SPATS2L: variants seen among roughly 807,000 people sequenced by gnomAD.
SPATS2L encodes the protein spermatogenesis associated serine rich 2 like.
A neutral mutation model predicts 59.6 loss-of-function variants in SPATS2L; 30 were observed. The ratio of observed to expected loss-of-function variants is 0.50; its 90% CI spans 0.38 to 0.68. SPATS2L has a LOEUF of 0.68. Among genes scored for constraint, SPATS2L ranks in the 30% least tolerant of loss-of-function variants. The pLI, the probability that SPATS2L is intolerant of heterozygous loss-of-function variation, is 0.00. For missense variants in SPATS2L, 615 were observed against 700.0 expected (o/e 0.88, Z 1.37); for synonymous variants, 252 against 263.5 (o/e 0.96, Z 0.42).
chr2:200,381,549 C>T (rs541797372), intron 2 of SPATS2L, among the ~76,000 whole-genome samples: 2 of 152,314 alleles, frequency 1.3e-5, no homozygotes, highest in African/African-American at 2.4e-5. Context: ...GGCCAATTGA[C>T]GGCAGTAGGA....
chr2:200,459,460 T>C (rs1475109179), intron 8 of SPATS2L, among the ~76,000 whole-genome samples: 2 of 152,198 alleles, frequency 1.3e-5, no homozygotes, highest in Non-Finnish European at 2.9e-5. Flanking sequence ...AACTTTGGAA[T>C]GTATAGGACA....
intron 9 of SPATS2L, among the ~76,000 whole-genome samples, chr2:200,467,051 G>A (rs2086652328): frequency 6.6e-6 from 1 of 152,220 alleles, no homozygotes; most frequent in South Asian, 2.1e-4. Flanking sequence ...TAGAGTGGGA[G>A]TGTACAGTGA....
chr2:200,427,355 A>C (rs2083638115), intron 6 of SPATS2L, among the ~76,000 whole-genome samples: 6 of 151,842 alleles, frequency 4.0e-5, no homozygotes, highest in Admixed American at 3.3e-4. Context: ...CAAAAATTAA[A>C]AATTAAAAAC....
In SPATS2L at chr2:200,469,898, C is replaced by A. The variant is rs1425434811; in HGVS notation, c.958-16C>A. ...CTGTAATCATGGGGTTCCTGCTTTT[C>A]ATCTCTTTCCTCCAGCACTTTGTCA... On this transcript the variant is annotated splice_polypyrimidine_tract_variant and intron_variant, in intron 10 of 12. Transcript: ENST00000409140. The A allele has an allele frequency of 1.3e-6, 2 of 1,595,380 alleles. No individual in the cohort carries two copies. The highest frequency in any genetic ancestry group is 1.7e-5 in the Admixed American group (1 of 57,532).
At position 200,478,160 on chromosome 2, in the gene SPATS2L, C is replaced by A. The variant is rs2087683353; in HGVS notation, c.*129C>A. 1 of 867,154 alleles carries A rather than the reference C, an allele frequency of 1.2e-6. No individual in the cohort carries two copies. The highest frequency in any genetic ancestry group is 1.6e-6 in the Non-Finnish European group (1 of 606,836). The allele number at this position is 867,154 out of a possible 1,614,324, so 53.7% of individuals were successfully genotyped here. A position where few individuals can be genotyped will look rare whatever the true frequency, so the allele number is the denominator to read the frequency against. Reference sequence around the variant, plus strand: ...TATGGTTGTGTCATCCTCTCTTAATCATTTTTACTAATTCTAATAATCAGC... The same window carrying A: ...TATGGTTGTGTCATCCTCTCTTAATAATTTTTACTAATTCTAATAATCAGC... On this transcript the variant is annotated 3_prime_UTR_variant, in exon 13 of 13. Coordinates refer to ENST00000409140, the MANE Select transcript of SPATS2L (RefSeq NM_001100423.2).
At chr2:200,377,718 C>T (rs896552619) in intron 2 of SPATS2L, among the ~76,000 whole-genome samples, 2 of 152,208 alleles carry the variant, frequency 1.3e-5, no homozygotes, top group African/African-American at 4.8e-5. Context: ...GCACATGCCC[C>T]TTAATAAAAT....
chr2:200,332,772 CTGTG>C lies in SPATS2L; in HGVS notation c.-23+3312_-23+3315del, dbSNP rs144988506. Among the ~76,000 whole-genome samples the C allele has an allele frequency of 2.9e-3, 413 of 143,314 alleles. 3 individuals are homozygous for C. The highest frequency in any genetic ancestry group is 0.01 in the African/African-American group (390 of 38,728). 94.0% of individuals were successfully genotyped at this position (143,314 alleles called of 152,430 possible). On this transcript the variant is annotated intron_variant, in intron 2 of 12. Coordinates refer to ENST00000409140, the MANE Select transcript of SPATS2L (RefSeq NM_001100423.2). The stretch of plus-strand genomic sequence containing the variant: ...GAAAAAAAAAAACTAAGTTAGCTGC[CTGTG>C]TGTGTGTGTGTGTGTGTGTATGTAT...
intron 2 of SPATS2L, among the ~76,000 whole-genome samples, chr2:200,385,541 G>A (rs748356679): frequency 6.6e-6 from 1 of 152,180 alleles, no homozygotes; most frequent in East Asian, 1.9e-4. Flanking sequence ...GTGGGCTTCC[G>A]GACATTCTGG....
intron 4 of SPATS2L, among the ~76,000 whole-genome samples, chr2:200,413,824 A>C (rs2082967624): frequency 6.6e-6 from 1 of 152,232 alleles, no homozygotes; most frequent in Non-Finnish European, 1.5e-5. Flanking sequence ...TAGACCTATA[A>C]GCAAATCCAT....
intron 6 of SPATS2L, among the ~76,000 whole-genome samples, chr2:200,422,604 A>G (rs2083358139): frequency 6.6e-6 from 1 of 152,040 alleles, no homozygotes; most frequent in Non-Finnish European, 1.5e-5. Flanking sequence ...TGTTCTTGCA[A>G]AAGGAAGCAA....
At chr2:200,349,378 G>A (rs1406689471) in intron 2 of SPATS2L, among the ~76,000 whole-genome samples, 1 of 152,202 alleles carries the variant, frequency 6.6e-6, no homozygotes, top group African/African-American at 2.4e-5. Context: ...GCTCACACCT[G>A]CAATCCCAGC....
At chr2:200,339,263 T>G (rs897322369) in intron 2 of SPATS2L, among the ~76,000 whole-genome samples, 3 of 152,190 alleles carry the variant, frequency 2.0e-5, no homozygotes, top group African/African-American at 4.8e-5. Context: ...TTTTTATGCT[T>G]CTTTATGGAA....
intron 6 of SPATS2L, among the ~76,000 whole-genome samples, chr2:200,427,522 A>G (rs1388869380): frequency 2.0e-5 from 3 of 149,004 alleles, no homozygotes; most frequent in African/African-American, 4.9e-5. Flanking sequence ...ATAATAATAT[A>G]CATATATATT....
At chr2:200,433,126 A>G (rs2106071789) in intron 6 of SPATS2L, among the ~76,000 whole-genome samples, 1 of 152,334 alleles carries the variant, frequency 6.6e-6, no homozygotes, top group East Asian at 1.9e-4. Context: ...TTGATTGATC[A>G]AAAAGATATA....
rs552224074 is a variant in SPATS2L at position 200,474,323 on chromosome 2, A to G, written c.1281+1271A>G. 1.1e-4 allele frequency among the ~76,000 whole-genome samples: 16 copies of G among 152,092 alleles called. No homozygotes were observed. The East Asian group carries it at 2.7e-3, about 26-fold the overall frequency. ...AAATCTGTTTTTACTTGTAGTCTAA[A>G]TATATCTTCACAGTTTTTGTTCTTT... On this transcript the variant is annotated intron_variant, in intron 12 of 12. Transcript: ENST00000409140.
intron 6 of SPATS2L, among the ~76,000 whole-genome samples, chr2:200,426,340 T>C (rs538490051): frequency 6.6e-6 from 1 of 152,264 alleles, no homozygotes; most frequent in East Asian, 1.9e-4. Context: ...TCTGCCCACC[T>C]CGGCCTTTAC....
intron 1 of SPATS2L, among the ~76,000 whole-genome samples, chr2:200,327,529 G>A (rs1269093685): frequency 1.3e-5 from 2 of 152,146 alleles, no homozygotes; most frequent in African/African-American, 4.8e-5. Context: ...TGGATATTTT[G>A]GGGAATGTCT....
At chr2:200,347,579 A>G (rs930998692) in intron 2 of SPATS2L, among the ~76,000 whole-genome samples, 1 of 152,202 alleles carries the variant, frequency 6.6e-6, no homozygotes, top group African/African-American at 2.4e-5. Flanking sequence ...TGAGACACAT[A>G]GAATACAATG....
intron 2 of SPATS2L, among the ~76,000 whole-genome samples, chr2:200,388,294 A>ACC (rs2082056711): frequency 6.6e-6 from 1 of 152,206 alleles, no homozygotes; most frequent in African/African-American, 2.4e-5. Flanking sequence ...TGCAGAGGAC[A>ACC]GGTGCATGGC....
Sources: gnomAD v4.1 joint callset for allele counts (sites outside exome capture counted in the v4.1 genomes callset) on GRCh38, gnomAD v4.1.1 for gene constraint, MANE v1.5 for transcripts, NCBI Gene and HGNC (gene_info 2026-07-23, HGNC 2026-07-21) for gene names.